ARMC3: variants seen among roughly 807,000 people sequenced by gnomAD.
The protein encoded by ARMC3 is armadillo repeat-containing protein 3.
Under a neutral mutation model 90.3 loss-of-function variants are expected in ARMC3, and 74 were observed. The ratio of observed to expected loss-of-function variants is 0.82; its 90% confidence interval spans 0.68 to 0.99. ARMC3 has a LOEUF of 0.99. Among genes scored for constraint, ARMC3 ranks in the 50% least tolerant of loss-of-function variants. ARMC3 has a pLI of 0.00. For synonymous variants in ARMC3, 334 were observed against 361.8 expected, an observed-to-expected ratio of 0.92 and a Z score of 0.87; for missense variants, 958 against 1,042.8, an observed-to-expected ratio of 0.92 and a Z score of 1.12.
chr10:23,015,979 C>T (rs1486863196), intron 16 of ARMC3, among the ~76,000 whole-genome samples: 1 of 152,044 alleles, frequency 6.6e-6, no homozygotes, highest in Non-Finnish European at 1.5e-5. Flanking sequence ...AGTGAGAAGA[C>T]AGACAACAAA....
chr10:23,021,048 CTG>C (rs2131536843), intron 16 of ARMC3, among the ~76,000 whole-genome samples: 1 of 152,224 alleles, frequency 6.6e-6, no homozygotes, highest in African/African-American at 2.4e-5. Context: ...CCACTTATAA[CTG>C]AGAACATGTG....
At chr10:23,025,597 TG>T (rs1391155314) in intron 16 of ARMC3, among the ~76,000 whole-genome samples, 1 of 151,826 alleles carries the variant, frequency 6.6e-6, no homozygotes, top group African/African-American at 2.4e-5. Context: ...CTTCAGGGAG[TG>T]TTGAGAGGAA....
intron 16 of ARMC3, 56 bp from the exon 17 acceptor site, chr10:23,030,540 T>G: frequency 6.4e-7 from 1 of 1,553,830 alleles, no homozygotes; most frequent in East Asian, 2.4e-5. Flanking sequence ...GCAAGAGCAA[T>G]TGTTTGTTTG....
At chr10:23,026,833 C>G (rs927610138) in intron 16 of ARMC3, among the ~76,000 whole-genome samples, 2 of 152,228 alleles carry the variant, frequency 1.3e-5, no homozygotes, top group Non-Finnish European at 1.5e-5. Flanking sequence ...CCACGTGGAC[C>G]CTCAAGTCGA....
Position 23,003,254 on chromosome 10 carries a change from A to C in ARMC3, c.1571A>C (p.Asp524Ala). The C allele has an allele frequency of 6.2e-7, 1 of 1,612,022 alleles. No individual in the cohort carries two copies. Among genetic ancestry groups the C allele is most frequent in the African/African-American group, 1.3e-5 (1 of 74,978 alleles). ...ANELCRLGAL[D>A]ILEEVNVSGT... ...TTTGCTTTTATTGACAGGGCTTTAG[A>C]TATCCTTGAAGAAGTTAACGTATCA... Residue 524 changes from aspartate (D) to alanine (A), a missense_variant, in exon 13 of 19, where the codon GAT becomes GCT. Physicochemically the swap from Asp to Ala is moderately radical, Grantham distance 126 (BLOSUM62 -2). Coordinates refer to ENST00000298032, the MANE Select transcript of ARMC3 (RefSeq NM_173081.5).
At chr10:23,013,062 T>C (rs113175299) in intron 16 of ARMC3, among the ~76,000 whole-genome samples, 4,208 of 152,068 alleles carry the variant, frequency 0.028, 193 homozygotes, top group African/African-American at 0.097. Flanking sequence ...CTAATTTTTA[T>C]TTTTATTTTT....
At chr10:22,947,970 A>G (rs72812446) in intron 3 of ARMC3, among the ~76,000 whole-genome samples, 7,195 of 152,226 alleles carry the variant, frequency 0.047, 224 homozygotes, top group Middle Eastern at 0.088. Context: ...TTAATTGAGA[A>G]TATTAATTTA....
intron 6 of ARMC3, chr10:22,960,079 G>A: frequency 3.3e-6 from 1 of 302,466 alleles, no homozygotes; most frequent in Non-Finnish European, 6.4e-6. Flanking sequence ...CCTTTGTCAC[G>A]GAAAGAAACT....
intron 10 of ARMC3, among the ~76,000 whole-genome samples, chr10:22,994,737 G>T (rs766512445): frequency 7.2e-5 from 11 of 152,178 alleles, no homozygotes; most frequent in Non-Finnish European, 1.3e-4. Context: ...CCACAAGAGA[G>T]GATGCTGAAT....
rs369988735 is a variant in ARMC3 at position 23,007,727 on chromosome 10, C to T, written c.1830-549C>T. Among the ~76,000 whole-genome samples the T allele has an allele frequency of 3.3e-3, 457 of 140,316 alleles. 8 individuals are homozygous for T. Among genetic ancestry groups the T allele is most frequent in the African/African-American group, 0.01 (397 of 38,722 alleles). The allele number at this position is 140,316 out of a possible 152,430, so 92.1% of individuals were successfully genotyped here. A position where few individuals can be genotyped will look rare whatever the true frequency, so the allele number is the denominator to read the frequency against. On this transcript the variant is annotated intron_variant, in intron 14 of 18. Coordinates refer to ENST00000298032, the MANE Select transcript of ARMC3 (RefSeq NM_173081.5). Reference sequence around the variant, plus strand: ...AAAAAAAAAAAAAAAAGAGAGAGAGCGAGAGATCGTGTATATCTATATATC... The same window carrying T: ...AAAAAAAAAAAAAAAAGAGAGAGAGTGAGAGATCGTGTATATCTATATATC...
intron 7 of ARMC3, among the ~76,000 whole-genome samples, chr10:22,966,066 G>A (rs1835425200): frequency 6.6e-6 from 1 of 152,196 alleles, no homozygotes; most frequent in African/African-American, 2.4e-5. Flanking sequence ...TCCAGATTCT[G>A]TTGTGTCCTT....
chr10:22,981,632 T>C lies in ARMC3; in HGVS notation c.1107T>C (p.Asn369=). Residue 369 remains asparagine, a synonymous_variant, in exon 10 of 19, where the codon AAT becomes AAC. Transcript: ENST00000298032. ...PQLIQLLKSD[N]EEVREAAALA... is the part of the protein sequence containing the mutation. The stretch of plus-strand genomic sequence containing the variant: ...TAATTCAGTTGCTAAAAAGTGACAA[T>C]GAAGAGGTACGGGAAGCAGCAGCTC... The C allele has an allele frequency of 6.2e-7, 1 of 1,614,158 alleles. No individual in the cohort carries two copies. Among genetic ancestry groups the C allele is most frequent in the Non-Finnish European group, 8.5e-7 (1 of 1,180,000 alleles).
chr10:22,940,590 A>G (rs1218578354), intron 2 of ARMC3, among the ~76,000 whole-genome samples: 1 of 152,002 alleles, frequency 6.6e-6, no homozygotes, highest in African/African-American at 2.4e-5. Flanking sequence ...TGGTCAAGCG[A>G]TCCTCCCACC....
chr10:22,981,218 A>T, intron 8 of ARMC3, 122 bp from the exon 9 acceptor site: 1 of 854,490 alleles, frequency 1.2e-6, no homozygotes, highest in Non-Finnish European at 1.8e-6. Flanking sequence ...TGTCTAGTTT[A>T]GACTCTGGTA....
rs1835098171 is a variant in ARMC3 at position 22,959,422 on chromosome 10, G to T, written c.385G>T (p.Ala129Ser). ...AGAAGAAGTAGTTATCCATGAGTTTGCTAGTCTTTGTCTAGCAAACATGTC... is the reference window on the plus strand; with the variant it reads ...AGAAGAAGTAGTTATCCATGAGTTTTCTAGTCTTTGTCTAGCAAACATGTC... ...PEEEVVIHEF[A>S]SLCLANMSAE... Residue 129 changes from alanine to serine, a missense_variant, in exon 6 of 19, where the codon GCT becomes TCT. Transcript: ENST00000298032. 6.2e-7 allele frequency: 1 copy of T among 1,606,586 alleles called. No homozygotes were observed. The highest frequency in any genetic ancestry group is 8.5e-7 in the Non-Finnish European group (1 of 1,178,372).
intron 11 of ARMC3, among the ~76,000 whole-genome samples, chr10:23,001,668 G>A (rs1446826904): frequency 2.0e-5 from 3 of 152,138 alleles, no homozygotes; most frequent in African/African-American, 7.2e-5. Context: ...TCCTGCTGCA[G>A]TCCCCGTCCC....
rs375290150 is a variant in ARMC3 at position 22,942,315 on chromosome 10, C to T, written c.49-3829C>T. Among the ~76,000 whole-genome samples, 4 of 152,120 alleles carry T rather than the reference C, an allele frequency of 2.6e-5. No individual in the cohort carries two copies. The East Asian group carries it at 7.7e-4, about 29-fold the overall frequency. On this transcript the variant is annotated intron_variant, in intron 2 of 18. Transcript: ENST00000298032. ...AACACTGTGGGTGCGGCAGGAAACC[C>T]ATCTATGGGCAGATAGAGAAAAATT...
At chr10:23,021,607 C>A (rs1430389062) in intron 16 of ARMC3, among the ~76,000 whole-genome samples, 1 of 152,128 alleles carries the variant, frequency 6.6e-6, no homozygotes, top group Non-Finnish European at 1.5e-5. Flanking sequence ...TTGTTGGCTG[C>A]ATGTATGTCT....
chr10:23,030,620 G>C lies in ARMC3; in HGVS notation c.2070G>C (p.Glu690Asp), dbSNP rs773539923. The change falls in exon 17 of 19, where the codon GAG (glutamate) becomes GAC (aspartate). Residue 690 changes from glutamate to aspartate, a missense_variant. Transcript: ENST00000298032. Reference protein sequence around the residue: ...GWRKSKGKKEEEKVKEEEEVM... With the variant: ...GWRKSKGKKEDEKVKEEEEVM... ...GGAAAAGCAAAGGAAAAAAAGAAGA[G>C]GAAAAAGTGAAAGAGGAGGAAGAGG... is the stretch of plus-strand genomic sequence containing the variant. The C allele has an allele frequency of 6.2e-7, 1 of 1,613,328 alleles. No individual in the cohort carries two copies. The highest frequency in any genetic ancestry group is 1.1e-5 in the South Asian group (1 of 91,034).
Sources: allele counts gnomAD v4.1 joint callset (sites outside exome capture counted in the v4.1 genomes callset), GRCh38; gene constraint gnomAD v4.1.1; transcripts MANE v1.5; gene names NCBI Gene and HGNC (gene_info 2026-07-23, HGNC 2026-07-21).